GLT1D1: variants seen among roughly 807,000 people sequenced by gnomAD.
GLT1D1 encodes glycosyltransferase 1 domain containing 1.
GLT1D1 carries 21 observed loss-of-function variants against 28.7 expected under a neutral mutation model. That is an observed-to-expected ratio of 0.73 (90% CI 0.52 to 1.05). The LOEUF (loss-of-function observed/expected upper bound fraction) is 1.05. GLT1D1 is among the 50% of genes least tolerant of loss of function. The pLI is 0.00. For missense variants in GLT1D1, 343 were observed against 330.6 expected (o/e 1.04, Z -0.29); for synonymous variants, 147 against 124.8 (o/e 1.18, Z -1.19).
chr12:128,969,057 A>G (rs1252333636), intron 7 of GLT1D1, among the ~76,000 whole-genome samples: 2 of 150,850 alleles, frequency 1.3e-5, no homozygotes, highest in Non-Finnish European at 3.0e-5. Flanking sequence ...TCTGTCTCTC[A>G]TAGTCACTCT....
intron 7 of GLT1D1, among the ~76,000 whole-genome samples, chr12:128,977,500 G>T (rs1443013813): frequency 6.6e-6 from 1 of 152,048 alleles, no homozygotes; most frequent in Non-Finnish European, 1.5e-5. Flanking sequence ...TATTTAACAT[G>T]GAACACTTTT....
intron 4 of GLT1D1, among the ~76,000 whole-genome samples, chr12:128,936,303 C>T (rs1466036940): frequency 2.6e-5 from 4 of 151,772 alleles, no homozygotes; most frequent in East Asian, 1.9e-4. Flanking sequence ...TACAGGCACC[C>T]GCCACCACAC....
At chr12:128,864,651 G>A (rs1345005856) in intron 1 of GLT1D1, among the ~76,000 whole-genome samples, 1 of 152,190 alleles carries the variant, frequency 6.6e-6, no homozygotes, top group Non-Finnish European at 1.5e-5. Context: ...CCTGATTCGG[G>A]GAGGATGCTG....
intron 5 of GLT1D1, 39 bp from the exon 10 acceptor site, chr12:128,947,299 T>A (rs898721549): frequency 1.2e-6 from 2 of 1,612,540 alleles, no homozygotes; most frequent in African/African-American, 2.7e-5. Context: ...CCCATGAGAT[T>A]CTTGGAATCA....
At chr12:128,876,159 A>T in intron 2 of GLT1D1, 97 bp downstream of exon 2, 2 of 1,119,946 alleles carry the variant, frequency 1.8e-6, no homozygotes, top group African/African-American at 1.6e-5. Flanking sequence ...TCTCCTTTTT[A>T]TCCAGTTCAG....
At chr12:128,919,943 TTCTCTCTCTC>T (rs1160496585) in intron 4 of GLT1D1, among the ~76,000 whole-genome samples, 17 of 109,790 alleles carry the variant, frequency 1.5e-4, no homozygotes, top group African/African-American at 6.1e-4. Flanking sequence ...TATTGCTTAT[TTCTCTCTCTC>T]TCTCTCTCTC....
chr12:128,915,939 A>G (rs1872066390), intron 4 of GLT1D1, among the ~76,000 whole-genome samples: 1 of 152,216 alleles, frequency 6.6e-6, no homozygotes. Context: ...ACAAATGTAT[A>G]TACCCATGTG....
At position 128,914,928 on chromosome 12, in the gene GLT1D1, C is replaced by G. The variant is rs1349881033; in HGVS notation, c.375+15641C>G. 6.5e-7 allele frequency: 1 copy of G among 1,535,578 alleles called. No individual in the cohort carries two copies. Among genetic ancestry groups the G allele is most frequent in the Non-Finnish European group, 8.7e-7 (1 of 1,146,602 alleles). ...ACTTGCCCTTTTTTTGTTTCTTTGA[C>G]CCAGGAATTGCAACAACACCAAACG... On this transcript the variant is annotated intron_variant, in intron 4 of 7. Transcript: ENST00000281703.
intron 1 of GLT1D1, among the ~76,000 whole-genome samples, chr12:128,865,772 A>C (rs1389422930): frequency 6.6e-6 from 1 of 152,140 alleles, no homozygotes; most frequent in Admixed American, 6.5e-5. Flanking sequence ...CAGTGAGCCA[A>C]GATCGCACCA....
At chr12:128,854,121 C>T (rs1307795768) in intron 1 of GLT1D1, among the ~76,000 whole-genome samples, 1 of 152,172 alleles carries the variant, frequency 6.6e-6, no homozygotes, top group Non-Finnish European at 1.5e-5. Context: ...GTCCCTTTCC[C>T]ACCTCCCCTC....
At chr12:128,979,853 C>CTATATA (rs1880150078) in intron 7 of GLT1D1, among the ~76,000 whole-genome samples, 1 of 152,276 alleles carries the variant, frequency 6.6e-6, no homozygotes, top group South Asian at 2.1e-4. Flanking sequence ...TTACACTAAC[C>CTATATA]TATAGTTGGG....
intron 4 of GLT1D1, among the ~76,000 whole-genome samples, chr12:128,908,410 T>C (rs1034416089): frequency 1.4e-4 from 21 of 151,440 alleles, no homozygotes; most frequent in African/African-American, 2.9e-4. Flanking sequence ...CTCTCTTTCT[T>C]TCTTTCTTTT....
chr12:128,973,346 C>G (rs1593212927), intron 7 of GLT1D1, among the ~76,000 whole-genome samples: 1 of 92,016 alleles, frequency 1.1e-5, no homozygotes, highest in African/African-American at 4.2e-5. Flanking sequence ...CCACACCTGG[C>G]TATTTTTTTT....
chr12:128,934,798 A>G (rs1874371095), intron 4 of GLT1D1, among the ~76,000 whole-genome samples: 1 of 152,188 alleles, frequency 6.6e-6, no homozygotes, highest in Admixed American at 6.5e-5. Context: ...CCCTTCATTC[A>G]AGGCTTCACA....
intron 2 of GLT1D1, 67 bp downstream of exon 2, chr12:128,876,129 C>T: frequency 7.3e-7 from 1 of 1,375,078 alleles, no homozygotes; most frequent in Non-Finnish European, 1.0e-6. Flanking sequence ...CTGTAATGTC[C>T]AATAACACGG....
intron 1 of GLT1D1, among the ~76,000 whole-genome samples, chr12:128,854,988 GT>G (rs1460990848): frequency 1.3e-5 from 2 of 152,086 alleles, no homozygotes; most frequent in African/African-American, 4.8e-5. Context: ...CTCTGCTTGG[GT>G]TTAGCAGTGA....
chr12:128,980,156 AT>A (rs1159539041), intron 7 of GLT1D1, among the ~76,000 whole-genome samples: 1 of 152,214 alleles, frequency 6.6e-6, no homozygotes, highest in Non-Finnish European at 1.5e-5. Flanking sequence ...AGGGAGCCAC[AT>A]CCCGGGACCT....
chr12:128,863,010 C>A (rs1956418179), intron 1 of GLT1D1, among the ~76,000 whole-genome samples: 1 of 152,186 alleles, frequency 6.6e-6, no homozygotes, highest in East Asian at 1.9e-4. Context: ...GCTTCCCTTT[C>A]CCCCTCTGAG....
intron 4 of GLT1D1, among the ~76,000 whole-genome samples, chr12:128,933,018 G>A (rs571662891): frequency 6.6e-6 from 1 of 152,348 alleles, no homozygotes; most frequent in East Asian, 1.9e-4. Context: ...AAGCCTCACA[G>A]CGTGGGGGGC....
Sources: gnomAD v4.1 joint callset for allele counts (sites outside exome capture counted in the v4.1 genomes callset) on GRCh38, gnomAD v4.1.1 for gene constraint, MANE v1.5 for transcripts, NCBI Gene and HGNC (gene_info 2026-07-23, HGNC 2026-07-21) for gene names.